Variants in SNW1 observed in about 807,000 individuals in gnomAD.
SNW1 encodes the protein SNW domain containing 1.
In SNW1, 9 loss-of-function variants were observed where a neutral mutation model predicts 75.6. That is an observed-to-expected ratio of 0.12 (90% CI 0.07 to 0.21). The LOEUF (loss-of-function observed/expected upper bound fraction) is 0.21. Ranked by LOEUF, SNW1 falls within the 10% of genes least tolerant of loss-of-function variation. The pLI, the probability that SNW1 is intolerant of heterozygous loss-of-function variation, is 1.00. For synonymous variants in SNW1, 200 were observed against 219.1 expected (o/e 0.91, Z 0.77); for missense variants, 409 against 670.9 (o/e 0.61, Z 4.31).
At chr14:77,757,439 T>G (rs182740936) in intron 1 of SNW1, among the ~76,000 whole-genome samples, 1 of 152,320 alleles carries the variant, frequency 6.6e-6, no homozygotes, top group African/African-American at 2.4e-5. Flanking sequence ...GTAATAATAG[T>G]TCATAAGAGT....
At chr14:77,738,605 A>T in intron 5 of SNW1, 173 bp downstream of exon 5, 1 of 603,834 alleles carries the variant, frequency 1.7e-6, no homozygotes. Context: ...CAAAGTGGAC[A>T]CCTTAAAAAA....
intron 12 of SNW1, among the ~76,000 whole-genome samples, 182 bp from the exon 13 acceptor site, chr14:77,718,712 T>G (rs946491875): frequency 2.6e-5 from 4 of 151,660 alleles, no homozygotes; most frequent in African/African-American, 9.7e-5. Flanking sequence ...AACTTTGGAT[T>G]CTTTTTTTTT....
In SNW1 at chr14:77,734,992, T is replaced by C. The variant is rs1275896636; in HGVS notation, c.729A>G (p.Gln243=). The C allele has an allele frequency of 1.9e-6, 3 of 1,611,028 alleles. No individual in the cohort carries two copies. The highest frequency in any genetic ancestry group is 2.5e-6 in the Non-Finnish European group (3 of 1,177,408). ...PSRKMTVKEQ[Q]EWKIPPCISN... ...AAATACAAGGAGGAATCTTCCACTCTTGTTGTTCCTTTACAGTCATCTGAG... is the reference window on the plus strand; with the variant it reads ...AAATACAAGGAGGAATCTTCCACTCCTGTTGTTCCTTTACAGTCATCTGAG... Residue 243 remains glutamine (Q), a synonymous_variant, in exon 8 of 14, where the codon CAA becomes CAG. Coordinates refer to ENST00000261531, the MANE Select transcript of SNW1 (RefSeq NM_012245.3).
chr14:77,747,064 G>A (rs1192047696), intron 3 of SNW1, among the ~76,000 whole-genome samples: 3 of 152,090 alleles, frequency 2.0e-5, no homozygotes, highest in East Asian at 1.9e-4. Context: ...TTGCAGGTGC[G>A]CGCCGCCACG....
chr14:77,741,155 T>C lies in SNW1; in HGVS notation c.331-2094A>G, dbSNP rs60205077. Among the ~76,000 whole-genome samples the C allele has an allele frequency of 7.1e-3, 1,073 of 151,446 alleles. 8 individuals carry two copies. Among genetic ancestry groups the C allele is most frequent in the African/African-American group, 0.025 (1,027 of 41,262 alleles). On this transcript the variant is annotated intron_variant, in intron 3 of 13. Transcript: ENST00000261531. ...GCTTTATAATAATGACTGGAGATAT[T>C]TGATCAATATTTTTTGTACAAATGA... is the stretch of plus-strand genomic sequence containing the variant.
intron 10 of SNW1, among the ~76,000 whole-genome samples, chr14:77,724,066 T>G (rs1398041578): frequency 6.6e-6 from 1 of 152,344 alleles, no homozygotes; most frequent in South Asian, 2.1e-4. Flanking sequence ...CTAAAATATT[T>G]AAGGGTAAAA....
intron 11 of SNW1, among the ~76,000 whole-genome samples, chr14:77,721,992 C>T (rs149329247): frequency 3.3e-5 from 5 of 152,282 alleles, no homozygotes; most frequent in African/African-American, 4.8e-5. Flanking sequence ...AAGTGATTCG[C>T]GTGCTTTGGC....
Position 77,718,073 on chromosome 14 carries a change from T to C in SNW1, c.*15A>G, listed in dbSNP as rs761446395. On this transcript the variant is annotated 3_prime_UTR_variant, in exon 14 of 14. Coordinates refer to ENST00000261531, the MANE Select transcript of SNW1 (RefSeq NM_012245.3). Reference sequence around the variant, plus strand: ...GTTATGGGTAAGAGTTCATTCACTTTGGAGAGACCTGTGCCTATTCCTTCC... The same window carrying C: ...GTTATGGGTAAGAGTTCATTCACTTCGGAGAGACCTGTGCCTATTCCTTCC... 1 of 1,543,430 alleles carries C rather than the reference T, an allele frequency of 6.5e-7. No homozygotes were observed. Among genetic ancestry groups the C allele is most frequent in the Non-Finnish European group, 8.7e-7 (1 of 1,146,340 alleles).
intron 12 of SNW1, chr14:77,720,419 G>A: frequency 1.5e-6 from 1 of 679,300 alleles, no homozygotes; most frequent in South Asian, 1.6e-5. Context: ...ACAGGCAAAA[G>A]CCACCATGCC....
intron 8 of SNW1, 44 bp downstream of exon 8, chr14:77,734,903 C>A: frequency 7.5e-7 from 1 of 1,329,732 alleles, no homozygotes; most frequent in South Asian, 1.2e-5. Flanking sequence ...CTGGTGTTTT[C>A]CAGTAGGTTA....
chr14:77,753,408 A>G (rs936952149), intron 2 of SNW1, among the ~76,000 whole-genome samples: 3 of 152,188 alleles, frequency 2.0e-5, no homozygotes, highest in African/African-American at 7.2e-5. Context: ...GCCAATCACT[A>G]CTTTTTTGCC....
In SNW1 at chr14:77,718,274, G is replaced by T; in HGVS notation, c.1425C>A (p.Asp475Glu). Residue 475 changes from aspartate (D) to glutamate (E), a missense_variant, in exon 14 of 14, where the codon GAC (aspartate) becomes GAA (glutamate). Transcript: ENST00000261531. ...TACGGTCTGAACCAGAAAACTCCTTGTCGGGAACAAATCTAAGGAAAAGGA... is the reference window on the plus strand; with the variant it reads ...TACGGTCTGAACCAGAAAACTCCTTTTCGGGAACAAATCTAAGGAAAAGGA... ...ARIKTNRFVPDKEFSGSDRRQ... is the reference protein window; with the variant it reads ...ARIKTNRFVPEKEFSGSDRRQ... 1 of 1,613,674 alleles carries T rather than the reference G, an allele frequency of 6.2e-7. No homozygotes were observed. The highest frequency in any genetic ancestry group is 8.5e-7 in the Non-Finnish European group (1 of 1,179,756).
chr14:77,731,717 T>C (rs1212933418), intron 9 of SNW1, among the ~76,000 whole-genome samples: 3 of 152,216 alleles, frequency 2.0e-5, no homozygotes, highest in African/African-American at 7.2e-5. Context: ...CAATATCACA[T>C]ATTAATTCCA....
chr14:77,745,608 G>A (rs1034198303), intron 3 of SNW1, among the ~76,000 whole-genome samples: 1 of 152,204 alleles, frequency 6.6e-6, no homozygotes, highest in Non-Finnish European at 1.5e-5. Context: ...TCAGAAGGCT[G>A]AGGCAGGAGA....
chr14:77,746,510 T>C (rs957522897), intron 3 of SNW1, among the ~76,000 whole-genome samples: 2 of 152,212 alleles, frequency 1.3e-5, no homozygotes, highest in African/African-American at 2.4e-5. Flanking sequence ...ATGGGCAGTA[T>C]GTGTCACATG....
chr14:77,731,802 G>A (rs1377968316), intron 9 of SNW1, among the ~76,000 whole-genome samples: 1 of 152,104 alleles, frequency 6.6e-6, no homozygotes, highest in African/African-American at 2.4e-5. Flanking sequence ...GCAGTGGTGC[G>A]TTCTTGGCTC....
chr14:77,735,819 TAAAAA>T lies in SNW1; in HGVS notation c.708+113_708+117del. 6.1e-6 allele frequency: 4 copies of T among 655,252 alleles called. No homozygotes were observed. In the East Asian group the frequency reaches 1.1e-4, roughly 19 times the overall value. 40.6% of individuals were successfully genotyped at this position (655,252 alleles called of 1,614,324 possible). ...ATTCTTGAAACTTCATCTTGAAAAA[TAAAAA>T]AAGAAACTACAAGTCAGTGTGGTGA... On this transcript the variant is annotated intron_variant, in intron 7 of 13. Transcript: ENST00000261531.
At chr14:77,730,656 T>C (rs868172896) in intron 10 of SNW1, among the ~76,000 whole-genome samples, 3 of 152,318 alleles carry the variant, frequency 2.0e-5, no homozygotes, top group Admixed American at 6.5e-5. Context: ...AGCTGAATTA[T>C]TCTGTTAGAT....
rs1187644204 is a variant in SNW1, at chr14:77,735,991, A to G, written c.654T>C (p.Ile218=). The part of the protein sequence containing the change: ...EPPRFKINKK[I]PRGPPSPPAP... Reference sequence around the variant, plus strand: ...CAGGAGGAGAAGGTGGTCCCCGGGGAATTTTCTTATTAATCCTGAAGTATA... The same window carrying G: ...CAGGAGGAGAAGGTGGTCCCCGGGGGATTTTCTTATTAATCCTGAAGTATA... Residue 218 remains isoleucine, a synonymous_variant, in exon 7 of 14, where the codon ATT becomes ATC. Coordinates refer to ENST00000261531, the MANE Select transcript of SNW1 (RefSeq NM_012245.3). 1 of 1,613,512 alleles carries G rather than the reference A, an allele frequency of 6.2e-7. No individual in the cohort carries two copies. Among genetic ancestry groups the G allele is most frequent in the Non-Finnish European group, 8.5e-7 (1 of 1,179,562 alleles).
Sources: allele counts gnomAD v4.1 joint callset (sites outside exome capture counted in the v4.1 genomes callset), GRCh38; gene constraint gnomAD v4.1.1; transcripts MANE v1.5; gene names NCBI Gene and HGNC (gene_info 2026-07-23, HGNC 2026-07-21).